FMN1: variants seen among roughly 807,000 people sequenced by gnomAD.
FMN1 encodes formin 1.
FMN1 carries 110 observed loss-of-function variants against 132.4 expected under a neutral mutation model. The observed-to-expected ratio is 0.83, with a 90% confidence interval of 0.71 to 0.97. FMN1 has a LOEUF of 0.97. Among genes scored for constraint, FMN1 ranks in the 50% least tolerant of loss-of-function variants. The probability of loss-of-function intolerance (pLI) is 0.00; values close to 1 mark genes in which losing one functional copy is unlikely to be tolerated. For synonymous variants in FMN1, 722 were observed against 651.7 expected (o/e 1.11, Z -1.64); for missense variants, 1,792 against 1,705.3 (o/e 1.05, Z -0.90).
intron 18 of FMN1, among the ~76,000 whole-genome samples, chr15:32,800,096 T>C (rs1010065502): frequency 6.6e-6 from 1 of 152,226 alleles, no homozygotes; most frequent in Non-Finnish European, 1.5e-5. Flanking sequence ...TTCTCGGTTA[T>C]TGGGCAATAT....
At chr15:32,869,954 A>G (rs1034314742) in intron 16 of FMN1, among the ~76,000 whole-genome samples, 2 of 152,148 alleles carry the variant, frequency 1.3e-5, no homozygotes, top group African/African-American at 4.8e-5. Flanking sequence ...ATGGAGAAAG[A>G]TTCTGTAGCC....
At chr15:33,148,138 A>G (rs527995286) in intron 4 of FMN1, among the ~76,000 whole-genome samples, 1 of 152,340 alleles carries the variant, frequency 6.6e-6, no homozygotes, top group African/African-American at 2.4e-5. Context: ...ATAACAAAAC[A>G]TATACCCATA....
At position 33,163,952 on chromosome 15, in the gene FMN1, G is replaced by A. The variant is rs192969541; in HGVS notation, c.-131-8907C>T. On this transcript the variant is annotated intron_variant, in intron 3 of 20. Coordinates refer to ENST00000616417, the MANE Select transcript of FMN1 (RefSeq NM_001277313.2). Reference sequence around the variant, plus strand: ...TTTTTTTGAGACATGGAAAACAGAAGTATGTTTTCAGTTTGAAAAGAAGGA... The same window carrying A: ...TTTTTTTGAGACATGGAAAACAGAAATATGTTTTCAGTTTGAAAAGAAGGA... Among the ~76,000 whole-genome samples the A allele has an allele frequency of 2.5e-3, 375 of 152,228 alleles. 3 individuals are homozygous for A. The highest frequency in any genetic ancestry group is 8.8e-3 in the African/African-American group (364 of 41,530).
chr15:33,016,251 G>A (rs1411156725), intron 6 of FMN1, among the ~76,000 whole-genome samples: 2 of 152,126 alleles, frequency 1.3e-5, no homozygotes, highest in Non-Finnish European at 2.9e-5. Context: ...AAACTCATCC[G>A]TGAGTGAATG....
chr15:33,058,562 G>T (rs143711786), intron 6 of FMN1, among the ~76,000 whole-genome samples: 1 of 152,300 alleles, frequency 6.6e-6, no homozygotes, highest in Admixed American at 6.5e-5. Flanking sequence ...TTATTTGCTT[G>T]AAATTGCTTA....
intron 5 of FMN1, chr15:33,066,808 C>T: frequency 6.2e-7 from 1 of 1,613,978 alleles, no homozygotes; most frequent in South Asian, 1.1e-5. Context: ...GGTCTGCTCC[C>T]TTCGGTTCAG....
chr15:32,847,786 C>T (rs753644235), intron 17 of FMN1, among the ~76,000 whole-genome samples: 1 of 152,084 alleles, frequency 6.6e-6, no homozygotes, highest in African/African-American at 2.4e-5. Flanking sequence ...ACCTGGGAGG[C>T]GGAGCGTGCA....
intron 15 of FMN1, among the ~76,000 whole-genome samples, chr15:32,890,594 C>T (rs551192505): frequency 3.3e-5 from 5 of 152,270 alleles, no homozygotes; most frequent in South Asian, 2.1e-4. Flanking sequence ...TCATGTACTT[C>T]GCCGACTTTT....
chr15:33,116,218 T>C (rs1332912567), intron 4 of FMN1, among the ~76,000 whole-genome samples: 6 of 151,868 alleles, frequency 4.0e-5, no homozygotes, highest in Admixed American at 3.9e-4. Context: ...TTCACTGGGA[T>C]TGACCTAGTC....
At chr15:33,021,132 C>G (rs935439392) in intron 6 of FMN1, among the ~76,000 whole-genome samples, 3 of 152,190 alleles carry the variant, frequency 2.0e-5, no homozygotes, top group South Asian at 4.1e-4. Context: ...CTACAACTCA[C>G]TCAGCCTGGG....
At chr15:32,933,773 T>C (rs1157245080) in intron 9 of FMN1, among the ~76,000 whole-genome samples, 1 of 152,158 alleles carries the variant, frequency 6.6e-6, no homozygotes, top group Non-Finnish European at 1.5e-5. Flanking sequence ...CTGCTGTCTT[T>C]TGGATTGTTT....
chr15:33,075,434 A>G (rs1448716748), intron 5 of FMN1, among the ~76,000 whole-genome samples: 1 of 152,188 alleles, frequency 6.6e-6, no homozygotes, highest in African/African-American at 2.4e-5. Context: ...ACACCTCCGC[A>G]TGCCCCAGCC....
At chr15:33,045,265 C>A (rs904535813) in intron 6 of FMN1, among the ~76,000 whole-genome samples, 2 of 152,188 alleles carry the variant, frequency 1.3e-5, no homozygotes, top group Non-Finnish European at 2.9e-5. Flanking sequence ...GTGGCTGGAC[C>A]CCATGCTCAC....
chr15:33,161,571 C>G (rs1445834575), intron 3 of FMN1, among the ~76,000 whole-genome samples: 1 of 152,142 alleles, frequency 6.6e-6, no homozygotes, highest in Non-Finnish European at 1.5e-5. Flanking sequence ...GCCTGCCTTT[C>G]TCCTTTCCAT....
At chr15:33,185,568 ATTTTTTTT>A (rs57232200) in intron 2 of FMN1, among the ~76,000 whole-genome samples, 2 of 113,410 alleles carry the variant, frequency 1.8e-5, no homozygotes, top group South Asian at 2.7e-4. Flanking sequence ...TAAAGTAAGA[ATTTTTTTT>A]TTTTTTTTTT....
chr15:32,845,429 G>A (rs1001363454), intron 17 of FMN1, among the ~76,000 whole-genome samples: 1 of 152,132 alleles, frequency 6.6e-6, no homozygotes, highest in African/African-American at 2.4e-5. Context: ...GTTACCCAAG[G>A]TTAAGGCAAA....
intron 17 of FMN1, among the ~76,000 whole-genome samples, chr15:32,822,977 C>T (rs184477262): frequency 2.9e-4 from 44 of 152,076 alleles, no homozygotes; most frequent in African/African-American, 9.4e-4. Context: ...CCATTGGGTA[C>T]AAGAGTAGGA....
In FMN1 at chr15:32,777,439, A is replaced by G. The variant is rs1022501646; in HGVS notation, c.4131-520T>C. ...GTAGGTTTTTTTCCATTCAAAAAAT[A>G]TATTTATATATTATATTTATATATT... is the stretch of plus-strand genomic sequence containing the variant. On this transcript the variant is annotated intron_variant, in intron 19 of 20. Coordinates refer to ENST00000616417, the MANE Select transcript of FMN1 (RefSeq NM_001277313.2). Among the ~76,000 whole-genome samples, 31 of 136,914 alleles carry G rather than the reference A, an allele frequency of 2.3e-4. 1 individual carries two copies. The highest frequency in any genetic ancestry group is 8.1e-4 in the African/African-American group (30 of 36,816). The allele number at this position is 136,914 out of a possible 152,430, so 89.8% of individuals were successfully genotyped here. A position where few individuals can be genotyped will look rare whatever the true frequency, so the allele number is the denominator to read the frequency against.
intron 6 of FMN1, among the ~76,000 whole-genome samples, chr15:33,054,239 A>G (rs558318986): frequency 1.3e-5 from 2 of 152,338 alleles, no homozygotes; most frequent in East Asian, 3.9e-4. Flanking sequence ...GTGCCTGGAA[A>G]TAGAGACAAA....
Sources: allele counts gnomAD v4.1 joint callset (sites outside exome capture counted in the v4.1 genomes callset), GRCh38; gene constraint gnomAD v4.1.1; transcripts MANE v1.5; gene names NCBI Gene and HGNC (gene_info 2026-07-23, HGNC 2026-07-21).